ZFHX3: variants seen among roughly 807,000 people sequenced by gnomAD.
ZFHX3 encodes the protein zinc finger homeobox 3, also known as zinc finger homeobox protein 3.
Under a neutral mutation model 279.1 loss-of-function variants are expected in ZFHX3, and 42 were observed. That is an observed-to-expected ratio of 0.15 (90% confidence interval 0.12 to 0.19). The LOEUF (loss-of-function observed/expected upper bound fraction) is 0.19, where lower values mean the gene tolerates loss of function less well. Among genes scored for constraint, ZFHX3 ranks in the 10% least tolerant of loss-of-function variants. ZFHX3 has a pLI of 1.00. For synonymous variants in ZFHX3, 2,293 were observed against 1,957.8 expected (o/e 1.17, Z -4.52); for missense variants, 4,981 against 4,754.0 (o/e 1.05, Z -1.40).
chr16:73,538,268 G>T (rs2019942665), intron 2 of ZFHX3, among the ~76,000 whole-genome samples: 1 of 151,952 alleles, frequency 6.6e-6, no homozygotes, highest in South Asian at 2.1e-4. Context: ...TTTCATCTTA[G>T]GCCCTCTTCT....
At chr16:73,101,496 A>G (rs530271466) in intron 7 of ZFHX3, among the ~76,000 whole-genome samples, 1 of 152,268 alleles carries the variant, frequency 6.6e-6, no homozygotes, top group Admixed American at 6.5e-5. Flanking sequence ...CTCCTGCCTC[A>G]GCCTCCTGAG....
intron 1 of ZFHX3, among the ~76,000 whole-genome samples, chr16:73,878,730 G>A (rs1317902083): frequency 1.2e-4 from 18 of 151,496 alleles, no homozygotes; most frequent in Admixed American, 4.0e-4. Context: ...CAAGAGGGAG[G>A]GGGGACATTA....
At chr16:73,055,151 T>C (rs1965521721) in intron 1 of ZFHX3, among the ~76,000 whole-genome samples, 1 of 152,044 alleles carries the variant, frequency 6.6e-6, no homozygotes, top group African/African-American at 2.4e-5. Flanking sequence ...AATAGTTTGT[T>C]GTAACTGGAA....
At chr16:73,791,609 G>C (rs1308094651) in intron 1 of ZFHX3, among the ~76,000 whole-genome samples, 1 of 151,952 alleles carries the variant, frequency 6.6e-6, no homozygotes, top group Non-Finnish European at 1.5e-5. Flanking sequence ...TATTTTAATA[G>C]AGATGGGGTT....
chr16:73,377,333 C>T (rs2016739840), intron 3 of ZFHX3, among the ~76,000 whole-genome samples: 1 of 152,084 alleles, frequency 6.6e-6, no homozygotes, highest in African/African-American at 2.4e-5. Flanking sequence ...CACTCTGTCC[C>T]CCACATGTGA....
At chr16:73,114,781 C>T (rs937349349) in intron 7 of ZFHX3, among the ~76,000 whole-genome samples, 5 of 152,192 alleles carry the variant, frequency 3.3e-5, no homozygotes, top group African/African-American at 1.2e-4. Flanking sequence ...TGTCTTTGAT[C>T]ACAAGGGCAA....
At chr16:73,813,545 C>G (rs1960482101) in intron 1 of ZFHX3, among the ~76,000 whole-genome samples, 1 of 152,080 alleles carries the variant, frequency 6.6e-6, no homozygotes. Context: ...GTCTGAAAAA[C>G]AGTGGGCATT....
At chr16:73,734,243 C>T (rs1330306543) in intron 1 of ZFHX3, among the ~76,000 whole-genome samples, 4 of 152,270 alleles carry the variant, frequency 2.6e-5, no homozygotes, top group Admixed American at 6.5e-5. Context: ...TATCACCAGT[C>T]CATGGCCCAG....
chr16:73,788,015 T>C (rs74933583), intron 1 of ZFHX3, among the ~76,000 whole-genome samples: 5,856 of 152,122 alleles, frequency 0.038, 189 homozygotes, highest in East Asian at 0.18. Context: ...AAGCTGAGTT[T>C]AAGGAAACCC....
intron 7 of ZFHX3, among the ~76,000 whole-genome samples, chr16:73,105,929 A>ACCCCCCCCCCCCCCCC (rs34679627): frequency 4.5e-5 from 5 of 110,842 alleles, no homozygotes; most frequent in Non-Finnish European, 5.5e-5. Flanking sequence ...ATGTACACGG[A>ACCCCCCCCCCCCCCCC]CCCCCTCCCC....
At chr16:73,082,267 AT>A (rs369619247) in intron 8 of ZFHX3, among the ~76,000 whole-genome samples, 9 of 150,394 alleles carry the variant, frequency 6.0e-5, no homozygotes, top group African/African-American at 2.5e-5. Flanking sequence ...GAATGAATGA[AT>A]TTTTTTTTCT....
rs996895887 is a variant in ZFHX3 at position 72,795,595 on chromosome 16, T to C, written c.7087A>G (p.Ser2363Gly). 2 of 1,613,916 alleles carry C rather than the reference T, an allele frequency of 1.2e-6. No homozygotes were observed. Among genetic ancestry groups the C allele is most frequent in the Non-Finnish European group, 1.7e-6 (2 of 1,179,996 alleles). Residue 2363 changes from serine (S) to glycine (G), a missense_variant, in exon 9 of 10, where the codon AGC becomes GGC. Ser to Gly is a moderately conservative substitution (Grantham distance 56, BLOSUM62 0). Coordinates refer to ENST00000268489, the MANE Select transcript of ZFHX3 (RefSeq NM_006885.4). ...KDEDEEGQDDSQNEDSMDAME... is the reference protein window; with the variant it reads ...KDEDEEGQDDGQNEDSMDAME... ...GCATCCATGGAATCCTCATTTTGGC[T>C]GTCGTCCTGCCCCTCCTCATCCTCA...
At chr16:72,993,945 G>T (rs1199245960) in intron 1 of ZFHX3, among the ~76,000 whole-genome samples, 3 of 152,110 alleles carry the variant, frequency 2.0e-5, no homozygotes, top group Admixed American at 6.6e-5. Context: ...GCAGCCGAGT[G>T]CACTAATTCA....
chr16:73,858,666 A>G (rs1961802596), intron 1 of ZFHX3, among the ~76,000 whole-genome samples: 1 of 152,232 alleles, frequency 6.6e-6, no homozygotes, highest in Admixed American at 6.5e-5. Context: ...ATAATTCAAC[A>G]TTAAACTCTT....
intron 1 of ZFHX3, among the ~76,000 whole-genome samples, chr16:72,976,100 G>A (rs952144675): frequency 6.6e-6 from 1 of 152,184 alleles, no homozygotes; most frequent in Non-Finnish European, 1.5e-5. Context: ...GAGGGGAAGC[G>A]TATTTGTGCA....
At chr16:73,705,212 G>A (rs2053291300) in intron 1 of ZFHX3, among the ~76,000 whole-genome samples, 1 of 152,164 alleles carries the variant, frequency 6.6e-6, no homozygotes, top group Non-Finnish European at 1.5e-5. Flanking sequence ...TAATGGCCGT[G>A]TTTAGCAACC....
intron 1 of ZFHX3, among the ~76,000 whole-genome samples, chr16:73,847,904 GTTTTTTTTTTTT>G (rs60189791): frequency 7.5e-5 from 6 of 80,056 alleles, no homozygotes; most frequent in Non-Finnish European, 9.2e-5. Context: ...TGCCTGGCTA[GTTTTTTTTTTTT>G]TTTTTTTTTT....
At chr16:72,921,825 C>T (rs1052547394) in intron 3 of ZFHX3, among the ~76,000 whole-genome samples, 8 of 152,310 alleles carry the variant, frequency 5.3e-5, no homozygotes, top group Admixed American at 1.3e-4. Flanking sequence ...AGGCCTTGGC[C>T]GGTTTCCTAG....
chr16:73,204,666 G>C (rs2011733636), intron 5 of ZFHX3, among the ~76,000 whole-genome samples: 1 of 152,158 alleles, frequency 6.6e-6, no homozygotes, highest in South Asian at 2.1e-4. Context: ...GAACCCTGCT[G>C]TCTTGGGAGC....
Sources: gnomAD v4.1 joint callset for allele counts (sites outside exome capture counted in the v4.1 genomes callset) on GRCh38, gnomAD v4.1.1 for gene constraint, MANE v1.5 for transcripts, NCBI Gene and HGNC (gene_info 2026-07-23, HGNC 2026-07-21) for gene names.